Variants in PHGDH observed in about 807,000 individuals in gnomAD.
PHGDH encodes the protein phosphoglycerate dehydrogenase, also known as D-3-phosphoglycerate dehydrogenase.
A neutral mutation model predicts 52.6 loss-of-function variants in PHGDH; 50 were observed. That is an observed-to-expected ratio of 0.95 (90% CI 0.76 to 1.20). The LOEUF is 1.20. PHGDH is among the 50% of genes most tolerant of loss of function. The pLI is 0.00. For missense variants in PHGDH, 630 were observed against 684.6 expected, an observed-to-expected ratio of 0.92 and a Z score of 0.89; for synonymous variants, 271 against 280.5, an observed-to-expected ratio of 0.97 and a Z score of 0.34.
chr1:119,719,632 A>G (rs587631917), intron 1 of PHGDH: 2 of 152,344 alleles, frequency 1.3e-5, no homozygotes, highest in East Asian at 3.9e-4. Context: ...TAAATATTCT[A>G]TGCTGCAGCC....
chr1:119,726,424 A>C (rs1183262488), intron 3 of PHGDH, among the ~76,000 whole-genome samples: 1 of 152,128 alleles, frequency 6.6e-6, no homozygotes, highest in Non-Finnish European at 1.5e-5. Flanking sequence ...AGAAGACGTC[A>C]TAGGTTATGG....
At chr1:119,732,942 A>T in intron 5 of PHGDH, among the ~76,000 whole-genome samples, 1 of 152,190 alleles carries the variant, frequency 6.6e-6, no homozygotes, top group East Asian at 1.9e-4. Context: ...AAAAAAATAC[A>T]TCTGGATTAG....
chr1:119,740,588 G>A, intron 9 of PHGDH, 70 bp downstream of exon 9: 1 of 1,341,892 alleles, frequency 7.5e-7, no homozygotes, highest in South Asian at 1.3e-5. Context: ...CCTGCTGGGT[G>A]TATTTGCTGC....
intron 1 of PHGDH, among the ~76,000 whole-genome samples, chr1:119,718,299 AATTCTTT>A (rs1651015631): frequency 6.6e-6 from 1 of 152,182 alleles, no homozygotes; most frequent in Non-Finnish European, 1.5e-5. Context: ...AAGTTCTCTA[AATTCTTT>A]AAGTGTCAGT....
chr1:119,725,761 GCTCACT>G (rs1004137833), intron 3 of PHGDH, among the ~76,000 whole-genome samples: 18 of 152,130 alleles, frequency 1.2e-4, no homozygotes, highest in Non-Finnish European at 2.1e-4. Context: ...TTGCACGCTC[GCTCACT>G]CTGAGGTTTT....
chr1:119,736,423 C>G (rs2101202175), intron 7 of PHGDH, among the ~76,000 whole-genome samples: 1 of 152,332 alleles, frequency 6.6e-6, no homozygotes, highest in East Asian at 1.9e-4. Context: ...GGCCAGGACT[C>G]ACAGGGTTAA....
At chr1:119,713,858 G>A (rs915500306) in intron 1 of PHGDH, among the ~76,000 whole-genome samples, 4 of 152,148 alleles carry the variant, frequency 2.6e-5, no homozygotes, top group Non-Finnish European at 5.9e-5. Context: ...CAGTGAGGGG[G>A]TGGGGATAGG....
At chr1:119,719,870 G>A (rs879172626) in intron 1 of PHGDH, 6 of 152,214 alleles carry the variant, frequency 3.9e-5, no homozygotes, top group East Asian at 1.9e-4. Flanking sequence ...AGAGCTCTAC[G>A]GGGAAAATGG....
chr1:119,735,418 G>A lies in PHGDH; in HGVS notation c.767G>A (p.Gly256Glu), dbSNP rs1651888145. Reference sequence around the variant, plus strand: ...GCCCTGCAGTCTGGCCAGTGTGCCGGGGCTGCACTGGACGTGTTTACGGAA... The same window carrying A: ...GCCCTGCAGTCTGGCCAGTGTGCCGAGGCTGCACTGGACGTGTTTACGGAA... ...LRALQSGQCA[G>E]AALDVFTEEP... Residue 256 changes from glycine (G) to glutamate (E), a missense_variant, in exon 7 of 12, where the codon GGG becomes GAG. Physicochemically the swap from Gly to Glu is moderately conservative, Grantham distance 98 (BLOSUM62 -2). Transcript: ENST00000641023. 2 of 1,613,734 alleles carry A rather than the reference G, an allele frequency of 1.2e-6. No individual in the cohort carries two copies. Among genetic ancestry groups the A allele is most frequent in the East Asian group, 4.5e-5 (2 of 44,890 alleles).
chr1:119,720,447 T>A (rs1486879173), intron 1 of PHGDH: 2 of 152,418 alleles, frequency 1.3e-5, no homozygotes, highest in Non-Finnish European at 2.9e-5. Context: ...GTGCCTTCCC[T>A]GTATCAGGGA....
intron 1 of PHGDH, chr1:119,719,705 A>G (rs1651068986): frequency 6.6e-6 from 1 of 152,136 alleles, no homozygotes; most frequent in African/African-American, 2.4e-5. Flanking sequence ...CCTTACATTT[A>G]CTTTGTCCAT....
intron 9 of PHGDH, among the ~76,000 whole-genome samples, chr1:119,741,082 A>T (rs1431947669): frequency 6.6e-6 from 1 of 152,142 alleles, no homozygotes; most frequent in Non-Finnish European, 1.5e-5. Flanking sequence ...GTGCCCTCTG[A>T]CCACCCCTCG....
intron 1 of PHGDH, chr1:119,713,191 C>G (rs587677550): frequency 1.3e-5 from 2 of 152,794 alleles, no homozygotes; most frequent in East Asian, 3.9e-4. Flanking sequence ...TATTCTCCCC[C>G]ACCCTCCAAA....
chr1:119,724,662 T>TTA (rs1490979629), intron 3 of PHGDH: 71 of 328,966 alleles, frequency 2.2e-4, no homozygotes, highest in South Asian at 6.8e-4. Context: ...TTCAGGGATT[T>TTA]TTTTTTTTTT....
At position 119,744,105 on chromosome 1, in the gene PHGDH, A is replaced by T; in HGVS notation, c.*65A>T. The T allele has an allele frequency of 1.4e-6, 2 of 1,472,224 alleles. No individual in the cohort carries two copies. Among genetic ancestry groups the T allele is most frequent in the Non-Finnish European group, 1.9e-6 (2 of 1,051,152 alleles). The allele number at this position is 1,472,224 out of a possible 1,614,324, so 91.2% of individuals were successfully genotyped here. On this transcript the variant is annotated 3_prime_UTR_variant, in exon 12 of 12. Coordinates refer to ENST00000641023, the MANE Select transcript of PHGDH (RefSeq NM_006623.4). The stretch of plus-strand genomic sequence containing the variant: ...AAGAAACCCACCCACTGTGATCAAT[A>T]GGGAGAGAAAATCCACATTCTTGGG...
In PHGDH at chr1:119,725,001, G is replaced by A. The variant is rs587673630; in HGVS notation, c.356+1560G>A. 6 of 456,714 alleles carry A rather than the reference G, an allele frequency of 1.3e-5. No individual in the cohort carries two copies. The East Asian group carries it at 4.2e-4, about 32-fold the overall frequency. 28.3% of individuals were successfully genotyped at this position (456,714 alleles called of 1,614,324 possible). ...CTATATGTAGACTCTACAGGATTGG[G>A]CAATGTGGGTGGAGAGCAGGCGTGG... On this transcript the variant is annotated intron_variant, in intron 3 of 11. Coordinates refer to ENST00000641023, the MANE Select transcript of PHGDH (RefSeq NM_006623.4).
intron 8 of PHGDH, among the ~76,000 whole-genome samples, chr1:119,738,865 C>G (rs921456062): frequency 3.3e-5 from 5 of 152,262 alleles, no homozygotes; most frequent in East Asian, 1.9e-4. Context: ...GTATCTGCTG[C>G]AGGACACAGA....
At position 119,718,890 on chromosome 1, in the gene PHGDH, A is replaced by T. The variant is rs189078055; in HGVS notation, c.139-2280A>T. Among the ~76,000 whole-genome samples the T allele has an allele frequency of 2.6e-5, 4 of 152,180 alleles. 1 individual carries two copies. The highest frequency in any genetic ancestry group is 9.7e-5 in the African/African-American group (4 of 41,438). On this transcript the variant is annotated intron_variant, in intron 1 of 11. Transcript: ENST00000641023. ...CTAAGAGAGGACAACTAGATATGAA[A>T]CATATTATATTGGTGATCACAACAA...
chr1:119,729,397 G>A (rs1386232617), intron 5 of PHGDH: 2 of 152,238 alleles, frequency 1.3e-5, no homozygotes, highest in Non-Finnish European at 2.9e-5. Context: ...AAATAGGTGA[G>A]CATTTCATTG....
Sources: gnomAD v4.1 joint callset for allele counts (sites outside exome capture counted in the v4.1 genomes callset) on GRCh38, gnomAD v4.1.1 for gene constraint, MANE v1.5 for transcripts, NCBI Gene and HGNC (gene_info 2026-07-23, HGNC 2026-07-21) for gene names.